GSAP: variants seen among roughly 807,000 people sequenced by gnomAD.
The protein encoded by GSAP is gamma-secretase-activating protein.
In GSAP, 118 loss-of-function variants were observed where a neutral mutation model predicts 131.7. The ratio of observed to expected loss-of-function variants is 0.90; its 90% CI spans 0.77 to 1.04. GSAP has a LOEUF of 1.04. GSAP is among the 50% of genes least tolerant of loss of function. GSAP has a pLI of 0.00. For missense variants in GSAP, 1,019 were observed against 1,013.2 expected, an observed-to-expected ratio of 1.01 and a Z score of -0.08; for synonymous variants, 381 against 363.4, an observed-to-expected ratio of 1.05 and a Z score of -0.55.
At chr7:77,396,768 G>C (rs1800465705) in intron 5 of GSAP, among the ~76,000 whole-genome samples, 1 of 151,554 alleles carries the variant, frequency 6.6e-6, no homozygotes, top group Non-Finnish European at 1.5e-5. Flanking sequence ...TACTTCTGCT[G>C]AATCACTGTT....
chr7:77,410,824 C>T (rs1425726171), intron 1 of GSAP, among the ~76,000 whole-genome samples: 1 of 152,072 alleles, frequency 6.6e-6, no homozygotes, highest in Non-Finnish European at 1.5e-5. Context: ...CAGCCTTATA[C>T]AAAATTTTGA....
intron 3 of GSAP, 130 bp downstream of exon 3, chr7:77,404,429 T>C (rs545805111): frequency 1.5e-6 from 1 of 673,760 alleles, no homozygotes; most frequent in Non-Finnish European, 2.7e-6. Context: ...CAAATTGCAA[T>C]TCTGTTTTTT....
chr7:77,348,764 A>G (rs528922454), intron 19 of GSAP, among the ~76,000 whole-genome samples: 2 of 152,320 alleles, frequency 1.3e-5, no homozygotes, highest in Non-Finnish European at 2.9e-5. Context: ...TTGTGAAGCC[A>G]CCAGGTTGCA....
chr7:77,356,130 C>T (rs893925109), intron 14 of GSAP, among the ~76,000 whole-genome samples: 2 of 152,084 alleles, frequency 1.3e-5, no homozygotes, highest in African/African-American at 4.8e-5. Flanking sequence ...CCTCAGCCTC[C>T]CCAAATGCTG....
intron 1 of GSAP, among the ~76,000 whole-genome samples, chr7:77,412,475 G>A (rs915238661): frequency 2.6e-5 from 4 of 151,720 alleles, no homozygotes; most frequent in African/African-American, 9.7e-5. Context: ...GATCCAAAAA[G>A]GAACAAACTA....
intron 5 of GSAP, among the ~76,000 whole-genome samples, chr7:77,393,258 G>A (rs768267151): frequency 5.9e-5 from 9 of 151,992 alleles, no homozygotes; most frequent in Non-Finnish European, 1.0e-4. Context: ...CAAAATAAAC[G>A]TTTCCAAAAT....
At chr7:77,348,299 C>T in intron 19 of GSAP, among the ~76,000 whole-genome samples, 1 of 152,136 alleles carries the variant, frequency 6.6e-6, no homozygotes, top group East Asian at 1.9e-4. Context: ...TAAAACCTTT[C>T]TTTTCTCTTC....
At chr7:77,414,835 T>G (rs947301467) in intron 1 of GSAP, among the ~76,000 whole-genome samples, 12 of 139,032 alleles carry the variant, frequency 8.6e-5, no homozygotes, top group Non-Finnish European at 1.5e-4. Flanking sequence ...TTTTCAGACA[T>G]GTGGGCGACT....
chr7:77,325,398 A>C (rs1283225217), intron 23 of GSAP, among the ~76,000 whole-genome samples: 1 of 152,236 alleles, frequency 6.6e-6, no homozygotes, highest in South Asian at 2.1e-4. Context: ...TGGTATTAAA[A>C]AATATCTTAT....
chr7:77,396,168 T>C (rs1800348244), intron 5 of GSAP, among the ~76,000 whole-genome samples: 2 of 152,016 alleles, frequency 1.3e-5, no homozygotes, highest in South Asian at 4.1e-4. Flanking sequence ...GGGGCATCCC[T>C]ACCCTACTAC....
At chr7:77,381,207 A>C (rs1797744144) in intron 8 of GSAP, 98 bp downstream of exon 8, 1 of 560,518 alleles carries the variant, frequency 1.8e-6, no homozygotes, top group Non-Finnish European at 3.1e-6. Context: ...AATAAAGAAA[A>C]CATTATATAT....
chr7:77,367,851 G>A, intron 12 of GSAP, among the ~76,000 whole-genome samples: 1 of 152,088 alleles, frequency 6.6e-6, no homozygotes, highest in Non-Finnish European at 1.5e-5. Context: ...TCGGTTGGTA[G>A]GTTATATATT....
chr7:77,413,558 T>C (rs1475099107), intron 1 of GSAP, among the ~76,000 whole-genome samples: 2 of 152,178 alleles, frequency 1.3e-5, no homozygotes, highest in African/African-American at 4.8e-5. Context: ...AACCTGCAGC[T>C]AGCCAGTCAA....
chr7:77,408,754 C>T (rs556379737), intron 1 of GSAP, among the ~76,000 whole-genome samples: 82 of 143,976 alleles, frequency 5.7e-4, no homozygotes, highest in Non-Finnish European at 3.5e-4. Context: ...TTTTCCCATA[C>T]AGGAATAGTT....
intron 19 of GSAP, among the ~76,000 whole-genome samples, chr7:77,334,016 C>T (rs756496849): frequency 2.6e-5 from 4 of 152,170 alleles, no homozygotes; most frequent in Non-Finnish European, 5.9e-5. Flanking sequence ...ATGGCGATTC[C>T]TCAAAGACCT....
chr7:77,351,503 T>G lies in GSAP; in HGVS notation c.1491+1441A>C, dbSNP rs1312433565. On this transcript the variant is annotated intron_variant, in intron 18 of 30. Transcript: ENST00000257626. ...CTAATGATAAGCATAGACTGATAGA[T>G]TTTCAAGATTAGAAGAGACCTTTAA... is the stretch of plus-strand genomic sequence containing the variant. 5.1e-6 allele frequency: 5 copies of G among 978,934 alleles called. No individual in the cohort carries two copies. The Admixed American group carries it at 2.5e-4, about 48-fold the overall frequency. 60.6% of individuals were successfully genotyped at this position (978,934 alleles called of 1,614,324 possible). A position where few individuals can be genotyped will look rare whatever the true frequency, so the allele number is the denominator to read the frequency against.
intron 12 of GSAP, among the ~76,000 whole-genome samples, chr7:77,370,233 G>A (rs1457871340): frequency 2.0e-5 from 3 of 152,114 alleles, no homozygotes; most frequent in Non-Finnish European, 4.4e-5. Flanking sequence ...CAAGATGTGT[G>A]GATCATCTGA....
chr7:77,312,400 T>C (rs1794486901), intron 28 of GSAP, among the ~76,000 whole-genome samples, 198 bp from the exon 29 acceptor site: 1 of 152,196 alleles, frequency 6.6e-6, no homozygotes, highest in Non-Finnish European at 1.5e-5. Flanking sequence ...TCTCAAACGC[T>C]ACATTGAGGA....
intron 5 of GSAP, among the ~76,000 whole-genome samples, chr7:77,391,125 CAAAAAA>C (rs3083869): frequency 4.6e-5 from 3 of 65,112 alleles, no homozygotes; most frequent in African/African-American, 5.9e-5. Context: ...GGCTCCGTCT[CAAAAAA>C]AAAAAAAAAA....
Sources: gnomAD v4.1 joint callset for allele counts (sites outside exome capture counted in the v4.1 genomes callset) on GRCh38, gnomAD v4.1.1 for gene constraint, MANE v1.5 for transcripts, NCBI Gene and HGNC (gene_info 2026-07-23, HGNC 2026-07-21) for gene names.